Variants in NRG3 observed in about 807,000 individuals in gnomAD.
The protein encoded by NRG3 is pro-neuregulin-3, membrane-bound isoform.
Under a neutral mutation model 66.9 loss-of-function variants are expected in NRG3, and 31 were observed. The ratio of observed to expected loss-of-function variants is 0.46; its 90% CI spans 0.35 to 0.63. The LOEUF is 0.63. Among genes scored for constraint, NRG3 ranks in the 20% least tolerant of loss-of-function variants. The pLI, the probability that NRG3 is intolerant of heterozygous loss-of-function variation, is 0.00. For synonymous variants in NRG3, 393 were observed against 359.4 expected (o/e 1.09, Z -1.06); for missense variants, 910 against 878.9 (o/e 1.04, Z -0.45).
At chr10:81,949,762 A>G (rs1457944848) in intron 1 of NRG3, among the ~76,000 whole-genome samples, 1 of 152,218 alleles carries the variant, frequency 6.6e-6, no homozygotes, top group Non-Finnish European at 1.5e-5. Flanking sequence ...AGGATGAATT[A>G]ATATTTTATT....
intron 2 of NRG3, among the ~76,000 whole-genome samples, chr10:82,560,322 G>A (rs957936557): frequency 2.0e-5 from 3 of 151,340 alleles, no homozygotes; most frequent in Non-Finnish European, 4.4e-5. Flanking sequence ...CCAAGAATAA[G>A]ATATGTCATT....
intron 1 of NRG3, among the ~76,000 whole-genome samples, chr10:81,991,754 T>C (rs779045192): frequency 6.6e-6 from 1 of 152,134 alleles, no homozygotes; most frequent in Non-Finnish European, 1.5e-5. Context: ...AATAATTACC[T>C]CTGAACAAAG....
At chr10:82,351,406 T>C (rs557874673) in intron 1 of NRG3, among the ~76,000 whole-genome samples, 1 of 152,338 alleles carries the variant, frequency 6.6e-6, no homozygotes, top group South Asian at 2.1e-4. Flanking sequence ...GAAAATTGCT[T>C]AGGAAACATG....
chr10:82,227,704 A>G (rs2076237658), intron 1 of NRG3, among the ~76,000 whole-genome samples: 1 of 152,206 alleles, frequency 6.6e-6, no homozygotes, highest in Non-Finnish European at 1.5e-5. Flanking sequence ...TTTTAAATAA[A>G]ATGCTTTTCT....
At chr10:81,900,116 T>C (rs945731955) in intron 1 of NRG3, among the ~76,000 whole-genome samples, 2 of 152,058 alleles carry the variant, frequency 1.3e-5, no homozygotes, top group African/African-American at 4.8e-5. Flanking sequence ...CTGGCTAATT[T>C]TTTTGTATTT....
At chr10:82,158,083 G>A (rs750619169) in intron 1 of NRG3, among the ~76,000 whole-genome samples, 12 of 151,640 alleles carry the variant, frequency 7.9e-5, no homozygotes, top group Non-Finnish European at 1.8e-4. Flanking sequence ...TAGAAAACAT[G>A]ATCTCCATTT....
At chr10:82,912,949 G>C (rs1439208275) in intron 4 of NRG3, among the ~76,000 whole-genome samples, 1 of 152,130 alleles carries the variant, frequency 6.6e-6, no homozygotes, top group Non-Finnish European at 1.5e-5. Flanking sequence ...CTTCCGGCCG[G>C]GTGCGGTGGC....
chr10:82,586,896 A>C (rs908817752), intron 2 of NRG3, among the ~76,000 whole-genome samples: 1 of 152,124 alleles, frequency 6.6e-6, no homozygotes, highest in African/African-American at 2.4e-5. Context: ...GGATTGGATA[A>C]TTGTGATCTG....
At position 82,176,718 on chromosome 10, in the gene NRG3, C is replaced by G. The variant is rs1051542749; in HGVS notation, c.824-182021C>G. On this transcript the variant is annotated intron_variant, in intron 1 of 8. Transcript: ENST00000372141. ...GAACAACAACATGGCATCCCCTGAT[C>G]CCCCTGGTAATTTCCTGGGCTCAAT... is the stretch of plus-strand genomic sequence containing the variant. Among the ~76,000 whole-genome samples the G allele has an allele frequency of 4.6e-5, 7 of 152,206 alleles. No individual in the cohort carries two copies. The East Asian group carries it at 1.2e-3, about 25-fold the overall frequency.
chr10:82,839,248 A>G lies in NRG3; in HGVS notation c.1028-26163A>G, dbSNP rs556725879. 6.6e-5 allele frequency among the ~76,000 whole-genome samples: 10 copies of G among 152,286 alleles called. No individual in the cohort carries two copies. The South Asian group carries it at 2.1e-3, about 32-fold the overall frequency. ...GCATCTAAAAAATTACCATTTTCTT[A>G]AAATGGTTATAGGATACTCTAATAT... On this transcript the variant is annotated intron_variant, in intron 3 of 8. Transcript: ENST00000372141.
rs80228415 is a variant in NRG3, at chr10:82,914,587, A to C, written c.1055-36882A>C. Among the ~76,000 whole-genome samples the C allele has an allele frequency of 2.0e-4, 30 of 152,196 alleles. No homozygotes were observed. The East Asian group carries it at 5.6e-3, about 28-fold the overall frequency. On this transcript the variant is annotated intron_variant, in intron 4 of 8. Transcript: ENST00000372141. ...AGACTTCTTTCTAAATAAATTCTGA[A>C]ACATGTGGTTTTTTGTTTCTATTCT...
At chr10:82,936,633 C>G (rs555792815) in intron 4 of NRG3, among the ~76,000 whole-genome samples, 105 of 152,202 alleles carry the variant, frequency 6.9e-4, no homozygotes, top group African/African-American at 2.1e-3. Flanking sequence ...AAATGATAAC[C>G]ATGTGAGGTA....
chr10:82,021,635 T>C (rs750495893), intron 1 of NRG3, among the ~76,000 whole-genome samples: 2 of 152,110 alleles, frequency 1.3e-5, no homozygotes, highest in Admixed American at 6.6e-5. Flanking sequence ...TCAAATTCAC[T>C]TGTGGGATCC....
chr10:82,332,159 C>A (rs544122901), intron 1 of NRG3, among the ~76,000 whole-genome samples: 50 of 152,302 alleles, frequency 3.3e-4, no homozygotes, highest in African/African-American at 1.1e-3. Context: ...TAGTGTTCAG[C>A]CTCTCACAGC....
At chr10:82,871,729 G>A (rs554300844) in intron 4 of NRG3, among the ~76,000 whole-genome samples, 6 of 152,034 alleles carry the variant, frequency 3.9e-5, no homozygotes, top group African/African-American at 1.4e-4. Flanking sequence ...TTTATTACTG[G>A]CATCTAGGAA....
At chr10:82,452,117 C>G (rs765426096) in intron 2 of NRG3, among the ~76,000 whole-genome samples, 8 of 152,296 alleles carry the variant, frequency 5.3e-5, no homozygotes, top group Non-Finnish European at 1.0e-4. Context: ...TAGCTGATGT[C>G]TAATAACCCT....
chr10:81,985,884 A>G (rs1036614192), intron 1 of NRG3, among the ~76,000 whole-genome samples: 1 of 152,236 alleles, frequency 6.6e-6, no homozygotes, highest in Non-Finnish European at 1.5e-5. Flanking sequence ...AACATAGCGT[A>G]GGTATATTTG....
At chr10:82,756,568 G>A (rs1027742697) in intron 3 of NRG3, among the ~76,000 whole-genome samples, 10 of 152,070 alleles carry the variant, frequency 6.6e-5, no homozygotes, top group African/African-American at 2.4e-4. Context: ...CATTTCACAA[G>A]TAAGTACAAA....
rs372688705 is a variant in NRG3 at position 82,698,499 on chromosome 10, AC to A, written c.954-40077del. Among the ~76,000 whole-genome samples the A allele has an allele frequency of 1.4e-4, 22 of 152,346 alleles. No homozygotes were observed. In the South Asian group the frequency reaches 2.1e-3, roughly 14 times the overall value. On this transcript the variant is annotated intron_variant, in intron 2 of 8. Coordinates refer to ENST00000372141, the MANE Select transcript of NRG3 (RefSeq NM_001010848.4). ...AATTGCAAAAATGTATTTTTAAAGT[AC>A]AAAAATACCAGAGAAAACATTTTTA...
Sources: allele counts gnomAD v4.1 joint callset (sites outside exome capture counted in the v4.1 genomes callset), GRCh38; gene constraint gnomAD v4.1.1; transcripts MANE v1.5; gene names NCBI Gene and HGNC (gene_info 2026-07-23, HGNC 2026-07-21).